Variants in SP6 observed in about 807,000 individuals in gnomAD.
The protein encoded by SP6 is transcription factor Sp6.
A neutral mutation model predicts 23.4 loss-of-function variants in SP6; 10 were observed. The observed-to-expected ratio is 0.43, with a 90% CI of 0.26 to 0.72. The LOEUF (loss-of-function observed/expected upper bound fraction) is 0.72. Ranked by LOEUF, SP6 falls within the 30% of genes least tolerant of loss-of-function variation. SP6 has a pLI of 0.23. For missense variants in SP6, 482 were observed against 523.8 expected (o/e 0.92, Z 0.78); for synonymous variants, 238 against 238.7 (o/e 1.00, Z 0.03).
chr17:47,850,578 A>G (rs1035963007), intron 1 of SP6, among the ~76,000 whole-genome samples: 8 of 152,342 alleles, frequency 5.3e-5, no homozygotes, highest in Non-Finnish European at 1.0e-4. Context: ...AGCACAGCGT[A>G]CATCGCAGGC....
At chr17:47,852,442 T>C (rs1037819490), upstream of SP6, among the ~76,000 whole-genome samples, 6 of 152,164 alleles carry the variant, frequency 3.9e-5, no homozygotes, top group Admixed American at 1.3e-4. Context: ...CACAGGGGAA[T>C]GCAGATTAAT....
chr17:47,865,842 C>T, the SP6 span, among the ~76,000 whole-genome samples: 1 of 152,138 alleles, frequency 6.6e-6, no homozygotes, highest in African/African-American at 2.4e-5. Context: ...CATACCATTT[C>T]ACCTCTCCTG....
intron 1 of SP6, among the ~76,000 whole-genome samples, chr17:47,849,091 G>A (rs729988): frequency 2.0e-5 from 3 of 151,892 alleles, no homozygotes; most frequent in Admixed American, 6.6e-5. Flanking sequence ...TGGTCACATC[G>A]GGCCCACTAA....
the SP6 span, among the ~76,000 whole-genome samples, chr17:47,868,211 C>G: frequency 6.6e-6 from 1 of 152,230 alleles, no homozygotes; most frequent in Non-Finnish European, 1.5e-5. Context: ...GGATCCCCTT[C>G]ACCCAAGTGG....
chr17:47,874,436 G>C, the SP6 span, among the ~76,000 whole-genome samples: 1 of 152,120 alleles, frequency 6.6e-6, no homozygotes, highest in Admixed American at 6.5e-5. Context: ...AGCCAGGCAG[G>C]GGGTACATGC....
chr17:47,852,451 A>C (rs75495089), upstream of SP6, among the ~76,000 whole-genome samples: 365 of 151,976 alleles, frequency 2.4e-3, 3 homozygotes, highest in East Asian at 0.034. Context: ...ATGCAGATTA[A>C]TTTCCCTATT....
chr17:47,874,586 G>T, the SP6 span, among the ~76,000 whole-genome samples: 2 of 152,154 alleles, frequency 1.3e-5, no homozygotes, highest in Middle Eastern at 3.2e-3. Flanking sequence ...CACTGAGTTA[G>T]CCCTGCTGAC....
the SP6 span, among the ~76,000 whole-genome samples, chr17:47,873,724 GCT>G: frequency 6.6e-6 from 1 of 152,050 alleles, no homozygotes; most frequent in Non-Finnish European, 1.5e-5. Flanking sequence ...ATCCTCCCCA[GCT>G]CTCACCACTC....
upstream of SP6, among the ~76,000 whole-genome samples, chr17:47,852,294 C>A (rs117054667): frequency 0.024 from 3,581 of 152,244 alleles, 62 homozygotes; most frequent in Middle Eastern, 0.11. Context: ...GATGGGTCGA[C>A]ATTTCCGAGA....
In SP6 at chr17:47,845,311, G is replaced by C. The variant is rs897955431; in HGVS notation, c.*1988C>G. 6.6e-6 allele frequency: 1 copy of C among 152,146 alleles called. No homozygotes were observed. Among genetic ancestry groups the C allele is most frequent in the African/African-American group, 2.4e-5 (1 of 41,398 alleles). The allele number at this position is 152,146 out of a possible 1,614,324, so 9.4% of individuals were successfully genotyped here. ...CTTCCTCTTTCCCCCTCTCCACCTG[G>C]CCAGGCAACCTGCAGGCACTGCCAA... On this transcript the variant is annotated 3_prime_UTR_variant, in exon 2 of 2. Transcript: ENST00000536300.
chr17:47,857,120 A>G (rs1355427275), upstream of SP6, among the ~76,000 whole-genome samples: 3 of 151,964 alleles, frequency 2.0e-5, no homozygotes, highest in Non-Finnish European at 4.4e-5. Context: ...GCAGAGCTGG[A>G]CCTCTTTCTT....
chr17:47,849,482 A>G (rs757061), intron 1 of SP6, among the ~76,000 whole-genome samples: 143,783 of 152,272 alleles, frequency 0.94, 68,071 homozygotes, highest in African/African-American at 0.99. Flanking sequence ...TGACATAAGC[A>G]AGTGCATCCT....
At chr17:47,856,313 G>A (rs2033998605), upstream of SP6, among the ~76,000 whole-genome samples, 3 of 152,138 alleles carry the variant, frequency 2.0e-5, no homozygotes, top group South Asian at 6.2e-4. Flanking sequence ...TTTGGACCTG[G>A]GATCTCTCAT....
At chr17:47,867,495 G>A in the SP6 span, among the ~76,000 whole-genome samples, 1 of 152,260 alleles carries the variant, frequency 6.6e-6, no homozygotes, top group African/African-American at 2.4e-5. Context: ...GCTTTTTGGT[G>A]GCAGGAACAT....
upstream of SP6, among the ~76,000 whole-genome samples, chr17:47,860,644 A>G (rs899662574): frequency 1.3e-5 from 2 of 151,410 alleles, no homozygotes; most frequent in African/African-American, 4.9e-5. Context: ...CGGGAGGATT[A>G]CTTGAGGCCA....
upstream of SP6, among the ~76,000 whole-genome samples, chr17:47,853,750 C>G (rs1271691770): frequency 1.3e-5 from 2 of 152,196 alleles, no homozygotes; most frequent in African/African-American, 2.4e-5. Context: ...GACCCTCCAT[C>G]TGCCTGCAGC....
chr17:47,864,949 T>C, the SP6 span: 1 of 152,248 alleles, frequency 6.6e-6, no homozygotes, highest in East Asian at 1.9e-4. Context: ...ACCCAAGAGA[T>C]GAGATCCTGG....
At position 47,848,536 on chromosome 17, in the gene SP6, T is replaced by A; in HGVS notation, c.-57-50A>T. 9.0e-7 allele frequency: 1 copy of A among 1,105,818 alleles called. No homozygotes were observed. Among genetic ancestry groups the A allele is most frequent in the Middle Eastern group, 3.1e-4 (1 of 3,198 alleles). 68.5% of individuals were successfully genotyped at this position (1,105,818 alleles called of 1,614,324 possible). A position where few individuals can be genotyped will look rare whatever the true frequency, so the allele number is the denominator to read the frequency against. ...AGTAAGGGAAATAACCAGCTCACTT[T>A]CCCTCCTAACCCAGGTCCTCCTCTC... On this transcript the variant is annotated intron_variant, in intron 1 of 1. Coordinates refer to ENST00000536300, the MANE Select transcript of SP6 (RefSeq NM_001258248.2). The surrounding 1 kb of genome is among the most constrained non-coding windows in gnomAD (Gnocchi z 5.3).
Position 47,847,482 on chromosome 17 carries a change from A to T in SP6, c.948T>A (p.Cys316Ter). Residue 316 changes from cysteine to a stop codon, truncating the protein, a stop_gained, in exon 2 of 2, where the codon TGT (cysteine) becomes TGA (stop). Transcript: ENST00000536300. LOFTEE classifies it high-confidence loss of function. ...QTHTGTKKFP[C>*]AVCSRVFMRS... Reference sequence around the variant, plus strand: ...GCATGAAGACGCGGCTGCAGACTGCACAGGGGAACTTCTTGGTGCCGGTGT... The same window carrying T: ...GCATGAAGACGCGGCTGCAGACTGCTCAGGGGAACTTCTTGGTGCCGGTGT... 1.2e-6 allele frequency: 2 copies of T among 1,613,724 alleles called. No homozygotes were observed. Among genetic ancestry groups the T allele is most frequent in the Non-Finnish European group, 1.7e-6 (2 of 1,179,928 alleles).
Sources: allele counts gnomAD v4.1 joint callset (sites outside exome capture counted in the v4.1 genomes callset), GRCh38; gene constraint gnomAD v4.1.1; non-coding constraint Gnocchi (gnomAD v3.1); transcripts MANE v1.5; gene names NCBI Gene and HGNC (gene_info 2026-07-23, HGNC 2026-07-21).